The following SHANK2 variants were observed in gnomAD, a reference collection of about 807,000 sequenced individuals.
SHANK2 encodes SH3 and multiple ankyrin repeat domains 2, also known as SH3 and multiple ankyrin repeat domains protein 2.
A neutral mutation model predicts 133.7 loss-of-function variants in SHANK2; 43 were observed. That is an observed-to-expected ratio of 0.32 (90% CI 0.25 to 0.41). The LOEUF is 0.41. SHANK2 is among the 10% of genes least tolerant of loss of function. SHANK2 has a pLI of 1.00. For synonymous variants in SHANK2, 1,017 were observed against 952.8 expected, an observed-to-expected ratio of 1.07 and a Z score of -1.24; for missense variants, 1,994 against 2,235.8, an observed-to-expected ratio of 0.89 and a Z score of 2.18.
rs1555154406 is a variant in SHANK2, at chr11:70,487,370, C to T, written c.2923G>A (p.Ala975Thr). 6.2e-7 allele frequency: 1 copy of T among 1,614,002 alleles called. No homozygotes were observed. ...TGGCCTCTCTTGTTGCGGAAGTTGG[C>T]TTGCGGGCCGGCATTCCGACTGTAG... ...DLYSRNAGPQANFRNKRGQMP... is the reference protein window; with the variant it reads ...DLYSRNAGPQTNFRNKRGQMP... Residue 975 changes from alanine (A) to threonine (T), a missense_variant, in exon 25 of 26, where the codon GCC becomes ACC. By Grantham distance (58) the Ala-to-Thr change is moderately conservative (BLOSUM62 0). Coordinates refer to ENST00000601538, the MANE Select transcript of SHANK2 (RefSeq NM_012309.5). This position sits in a 1 kb window ranked among gnomAD's most constrained non-coding sequence, Gnocchi z 5.8.
rs1283601994 is a variant in SHANK2 at position 70,585,865 on chromosome 11, A to G, written c.2061+73963T>C. Among the ~76,000 whole-genome samples the G allele has an allele frequency of 1.1e-4, 11 of 103,458 alleles. No homozygotes were observed. In the East Asian group the frequency reaches 3.5e-3, roughly 33 times the overall value. 67.9% of individuals were successfully genotyped at this position (103,458 alleles called of 152,430 possible). On this transcript the variant is annotated intron_variant, in intron 17 of 25. Coordinates refer to ENST00000601538, the MANE Select transcript of SHANK2 (RefSeq NM_012309.5). ...ACCCACCCATGCATTTGTCCATCCA[A>G]TTAGCCATCCATCCATCCATGCATC...
intron 15 of SHANK2, among the ~76,000 whole-genome samples, chr11:70,674,192 C>T (rs1944866279): frequency 6.6e-6 from 1 of 152,216 alleles, no homozygotes; most frequent in Non-Finnish European, 1.5e-5. Flanking sequence ...GAAGCTCTCA[C>T]CAGAAGCAGA....
intron 10 of SHANK2, among the ~76,000 whole-genome samples, chr11:70,940,586 T>A (rs1178791157): frequency 6.6e-6 from 1 of 151,884 alleles, no homozygotes; most frequent in Admixed American, 6.6e-5. Flanking sequence ...CAAAGGCATC[T>A]CTCCCATTAC....
At chr11:71,205,068 G>A (rs1336155988) in intron 2 of SHANK2, among the ~76,000 whole-genome samples, 3 of 152,114 alleles carry the variant, frequency 2.0e-5, no homozygotes, top group Non-Finnish European at 4.4e-5. Context: ...GTTAACACCA[G>A]AGGCAGGAAG....
intron 17 of SHANK2, among the ~76,000 whole-genome samples, chr11:70,522,474 C>T (rs2059342726): frequency 6.6e-6 from 1 of 152,232 alleles, no homozygotes. Context: ...GTGCAGGGTT[C>T]TCATTAATTC....
chr11:70,490,380 T>C lies in SHANK2; in HGVS notation c.2447A>G (p.Tyr816Cys), dbSNP rs1555155509. The stretch of plus-strand genomic sequence containing the variant: ...CATCACGGCGATTCCTTGGCGTTCG[T>C]ACACAGACTGCAAACCAGAGAGCCT... ...FPAGSDMNSVYERQGIAVMTP... is the reference protein window; with the variant it reads ...FPAGSDMNSVCERQGIAVMTP... Residue 816 changes from tyrosine to cysteine, a missense_variant, in exon 23 of 26, where the codon TAC becomes TGC. Tyr to Cys is a radical substitution (Grantham distance 194). Coordinates refer to ENST00000601538, the MANE Select transcript of SHANK2 (RefSeq NM_012309.5). 6.2e-7 allele frequency: 1 copy of C among 1,614,074 alleles called. No homozygotes were observed.
At chr11:70,544,433 C>T (rs778255786) in intron 17 of SHANK2, among the ~76,000 whole-genome samples, 42 of 152,202 alleles carry the variant, frequency 2.8e-4, no homozygotes, top group Non-Finnish European at 4.6e-4. Context: ...AGGCTACTGC[C>T]CCTGTCTGTC....
intron 9 of SHANK2, among the ~76,000 whole-genome samples, chr11:71,069,989 T>C (rs1565434690): frequency 6.6e-6 from 1 of 152,180 alleles, no homozygotes; most frequent in East Asian, 1.9e-4. Flanking sequence ...CTCATACATG[T>C]GTAGACAAGG....
intron 17 of SHANK2, among the ~76,000 whole-genome samples, chr11:70,508,046 C>T (rs868988452): frequency 6.6e-6 from 1 of 152,180 alleles, no homozygotes; most frequent in Non-Finnish European, 1.5e-5. Flanking sequence ...GGGCACAGGC[C>T]GTGACAGTGT....
chr11:70,682,816 T>C (rs1945056343), intron 15 of SHANK2, among the ~76,000 whole-genome samples: 1 of 151,798 alleles, frequency 6.6e-6, no homozygotes, highest in Non-Finnish European at 1.5e-5. Flanking sequence ...TGGAAGAAAA[T>C]GAAAAGACAA....
At chr11:71,245,186 C>T (rs533928285) in intron 1 of SHANK2, among the ~76,000 whole-genome samples, 4 of 151,830 alleles carry the variant, frequency 2.6e-5, no homozygotes, top group Non-Finnish European at 5.9e-5. Context: ...CATTATATTG[C>T]CTAGGCTGGT....
intron 16 of SHANK2, 69 bp from the exon 17 acceptor site, chr11:70,660,021 C>T (rs978340118): frequency 5.1e-5 from 82 of 1,605,264 alleles, no homozygotes; most frequent in Non-Finnish European, 6.8e-5. Flanking sequence ...GCCTGACCTC[C>T]CCACAGGACC....
At chr11:70,883,396 C>T (rs1159704994) in intron 11 of SHANK2, among the ~76,000 whole-genome samples, 1 of 152,184 alleles carries the variant, frequency 6.6e-6, no homozygotes, top group African/African-American at 2.4e-5. Flanking sequence ...CATAAATGTC[C>T]TCCATCTGTA....
chr11:70,660,053 C>T, intron 16 of SHANK2, 101 bp from the exon 17 acceptor site: 3 of 1,482,640 alleles, frequency 2.0e-6, no homozygotes, highest in Non-Finnish European at 2.8e-6. Flanking sequence ...TGGGCCCACT[C>T]ATCTCCCATT....
intron 17 of SHANK2, among the ~76,000 whole-genome samples, chr11:70,596,909 C>T (rs1402648618): frequency 6.6e-6 from 1 of 152,180 alleles, no homozygotes; most frequent in Non-Finnish European, 1.5e-5. Context: ...GGGGCCTTTC[C>T]CATGACTGAG....
Position 71,147,114 on chromosome 11 carries a change from GC to G in SHANK2, c.207+5del. On this transcript the variant is annotated splice_donor_5th_base_variant and intron_variant, in intron 3 of 25. Transcript: ENST00000601538. Reference sequence around the variant, plus strand: ...TGTGAACCAAAGGGCAGACCACGGGGCTCACCGTCTGCTGCAGGTCATGGAT... The same window carrying G: ...TGTGAACCAAAGGGCAGACCACGGGGTCACCGTCTGCTGCAGGTCATGGAT... 15 of 1,543,818 alleles carry G rather than the reference GC, an allele frequency of 9.7e-6. No individual in the cohort carries two copies. Among genetic ancestry groups the G allele is most frequent in the Non-Finnish European group, 1.3e-5 (15 of 1,144,936 alleles).
intron 2 of SHANK2, among the ~76,000 whole-genome samples, chr11:71,207,542 CTTG>C (rs782303310): frequency 6.6e-6 from 1 of 152,162 alleles, no homozygotes; most frequent in Non-Finnish European, 1.5e-5. Flanking sequence ...GGTTTGTTTG[CTTG>C]TTGTGGTGAA....
rs922871315 is a variant in SHANK2 at position 70,569,321 on chromosome 11, G to A, written c.2062-66390C>T. 6.6e-6 allele frequency among the ~76,000 whole-genome samples: 1 copy of A among 152,210 alleles called. No individual in the cohort carries two copies. The highest frequency in any genetic ancestry group is 1.5e-5 in the Non-Finnish European group (1 of 68,034). ...GGTCAGGCTCGGGAGCGTCTGGGGT[G>A]ATCCTGCTCATGCGCCTCATGGACG... On this transcript the variant is annotated intron_variant, in intron 17 of 25. Coordinates refer to ENST00000601538, the MANE Select transcript of SHANK2 (RefSeq NM_012309.5). The surrounding 1 kb of genome is among the most constrained non-coding windows in gnomAD (Gnocchi z 5.1).
At position 71,252,172 on chromosome 11, in the gene SHANK2, C is replaced by A. The variant is rs1948196521; in HGVS notation, c.-113+253G>T. On this transcript the variant is annotated intron_variant, in intron 1 of 25. Transcript: ENST00000601538. The surrounding 1 kb of genome is among the most constrained non-coding windows in gnomAD (Gnocchi z 6.3). The stretch of plus-strand genomic sequence containing the variant: ...CCGCTTCCAAAGCTTTCGACACCGG[C>A]CCCTGCCCGGGAAGAAAGGCATGCA... Among the ~76,000 whole-genome samples the A allele has an allele frequency of 5.3e-5, 8 of 152,164 alleles. No individual in the cohort carries two copies. In the South Asian group the frequency reaches 1.7e-3, roughly 32 times the overall value.
Sources: allele counts gnomAD v4.1 joint callset (sites outside exome capture counted in the v4.1 genomes callset), GRCh38; gene constraint gnomAD v4.1.1; non-coding constraint Gnocchi (gnomAD v3.1); transcripts MANE v1.5; gene names NCBI Gene and HGNC (gene_info 2026-07-23, HGNC 2026-07-21).